Variants in CFAP144 observed in about 807,000 individuals in gnomAD.
The protein encoded by CFAP144 is cilia and flagella associated protein 144.
the CFAP144 span, among the ~76,000 whole-genome samples, chr1:43,155,921 C>T: frequency 6.6e-6 from 1 of 152,362 alleles, no homozygotes; most frequent in South Asian, 2.1e-4. Context: ...TTCATTCTTT[C>T]AGCAAATATG....
At chr1:43,154,856 C>G in the CFAP144 span, among the ~76,000 whole-genome samples, 1 of 149,928 alleles carries the variant, frequency 6.7e-6, no homozygotes, top group Non-Finnish European at 1.5e-5. Context: ...GGGTAAGTGA[C>G]GGAAAAATAC....
chr1:43,147,947 A>G, the CFAP144 span: 7 of 1,613,836 alleles, frequency 4.3e-6, no homozygotes, highest in Non-Finnish European at 5.1e-6. Flanking sequence ...TGGCAGCCCA[A>G]GGCCATGGCG....
chr1:43,146,932 G>A, the CFAP144 span, among the ~76,000 whole-genome samples: 6 of 152,170 alleles, frequency 3.9e-5, no homozygotes, highest in South Asian at 2.1e-4. Context: ...TGCAACCTCC[G>A]CCTCCCGGGT....
the CFAP144 span, among the ~76,000 whole-genome samples, chr1:43,147,003 G>A: frequency 6.6e-6 from 1 of 152,096 alleles, no homozygotes; most frequent in African/African-American, 2.4e-5. Context: ...ATGCCATCAC[G>A]CCTGGCTAAT....
the CFAP144 span, among the ~76,000 whole-genome samples, chr1:43,149,883 T>C: frequency 6.6e-6 from 1 of 152,204 alleles, no homozygotes; most frequent in Admixed American, 6.5e-5. Flanking sequence ...GACAAGCAGC[T>C]TGGAGACCAC....
the CFAP144 span, among the ~76,000 whole-genome samples, chr1:43,151,863 T>C: frequency 1.2e-4 from 18 of 152,202 alleles, no homozygotes; most frequent in East Asian, 2.9e-3. Context: ...TAAGGTGTTA[T>C]CTGTAGTGCA....
At chr1:43,154,062 GTATATATATATATATATA>G in the CFAP144 span, among the ~76,000 whole-genome samples, 134 of 83,664 alleles carry the variant, frequency 1.6e-3, 1 homozygote, top group African/African-American at 4.8e-3. Context: ...ATATGTGTGT[GTATATATATATATATATA>G]TATATATATA....
chr1:43,148,626 C>T, the CFAP144 span, among the ~76,000 whole-genome samples: 2 of 152,154 alleles, frequency 1.3e-5, no homozygotes, highest in African/African-American at 4.8e-5. Context: ...GCTCCCCTCC[C>T]TGGACAACCC....
At chr1:43,151,206 G>A in the CFAP144 span, among the ~76,000 whole-genome samples, 1 of 152,080 alleles carries the variant, frequency 6.6e-6, no homozygotes, top group Non-Finnish European at 1.5e-5. Context: ...CTGTAACATT[G>A]GGCAGGTTTT....
chr1:43,146,277 T>C, the CFAP144 span, among the ~76,000 whole-genome samples: 1 of 152,178 alleles, frequency 6.6e-6, no homozygotes, highest in African/African-American at 2.4e-5. Context: ...CGTTGAATCA[T>C]TGACAAATTG....
chr1:43,152,300 C>T, the CFAP144 span, among the ~76,000 whole-genome samples: 1 of 152,202 alleles, frequency 6.6e-6, no homozygotes, highest in Admixed American at 6.5e-5. Flanking sequence ...TCCTCACTCT[C>T]TGTTGTGCTA....
At chr1:43,154,078 A>ATATG in the CFAP144 span, among the ~76,000 whole-genome samples, 1 of 124,064 alleles carries the variant, frequency 8.1e-6, no homozygotes, top group Non-Finnish European at 1.6e-5. Flanking sequence ...ATATATATAT[A>ATATG]TATATATATA....
At chr1:43,149,452 C>T in the CFAP144 span, among the ~76,000 whole-genome samples, 32 of 152,354 alleles carry the variant, frequency 2.1e-4, no homozygotes, top group African/African-American at 6.5e-4. Context: ...CTGAATGCCT[C>T]TCCCAACTCT....
the CFAP144 span, chr1:43,156,352 TAAGTGTGCAC>T: frequency 1.4e-6 from 2 of 1,456,552 alleles, no homozygotes; most frequent in African/African-American, 1.4e-5. Context: ...TCTAATGCCT[TAAGTGTGCAC>T]AGCCCAGAGA....
the CFAP144 span, chr1:43,153,025 G>T: frequency 6.8e-7 from 1 of 1,469,292 alleles, no homozygotes; most frequent in South Asian, 1.3e-5. Flanking sequence ...ACATGCCTGG[G>T]CTTGAACCTG....
chr1:43,156,311 T>A, the CFAP144 span: 12 of 1,611,938 alleles, frequency 7.4e-6, no homozygotes, highest in Non-Finnish European at 1.0e-5. Flanking sequence ...TCACCACAAG[T>A]AGCATCCCAG....
chr1:43,155,373 C>A, the CFAP144 span, among the ~76,000 whole-genome samples: 1 of 152,182 alleles, frequency 6.6e-6, no homozygotes, highest in Non-Finnish European at 1.5e-5. Context: ...ACATCTCGTG[C>A]AGGCTTACGA....
the CFAP144 span, among the ~76,000 whole-genome samples, chr1:43,155,039 C>T: frequency 0.011 from 1,682 of 152,254 alleles, 35 homozygotes; most frequent in African/African-American, 0.037. Context: ...CTGGTTAAAT[C>T]AGCTTAGCAG....
At chr1:43,146,952 T>C in the CFAP144 span, among the ~76,000 whole-genome samples, 1 of 152,182 alleles carries the variant, frequency 6.6e-6, no homozygotes, top group African/African-American at 2.4e-5. Context: ...TTCAAGCGAT[T>C]CTCCTGCCTC....
Sources: gnomAD v4.1 joint callset for allele counts (sites outside exome capture counted in the v4.1 genomes callset) on GRCh38, gnomAD v4.1.1 for gene constraint, MANE v1.5 for transcripts, NCBI Gene and HGNC (gene_info 2026-07-23, HGNC 2026-07-21) for gene names.